The following GDPD4 variants were observed in gnomAD, a reference collection of about 807,000 sequenced individuals.
GDPD4 encodes glycerophosphodiester phosphodiesterase 6.
In GDPD4, 60 loss-of-function variants were observed where a neutral mutation model predicts 67.8. The ratio of observed to expected loss-of-function variants is 0.88; its 90% CI spans 0.72 to 1.10. The LOEUF (loss-of-function observed/expected upper bound fraction) is 1.10. Ranked by LOEUF, GDPD4 falls within the 50% of genes least tolerant of loss-of-function variation. The pLI, the probability that GDPD4 is intolerant of heterozygous loss-of-function variation, is 0.00. For missense variants in GDPD4, 623 were observed against 613.9 expected (o/e 1.01, Z -0.16); for synonymous variants, 212 against 210.9 (o/e 1.00, Z -0.04).
At chr11:77,219,082 T>G (rs1958179436) in intron 16 of GDPD4, among the ~76,000 whole-genome samples, 1 of 152,212 alleles carries the variant, frequency 6.6e-6, no homozygotes, top group Non-Finnish European at 1.5e-5. Flanking sequence ...TGATTGCCAT[T>G]CTAACTGGTG....
At chr11:77,239,825 A>G (rs967616710) in intron 13 of GDPD4, among the ~76,000 whole-genome samples, 1 of 151,948 alleles carries the variant, frequency 6.6e-6, no homozygotes, top group African/African-American at 2.4e-5. Flanking sequence ...AGCAGGGTGC[A>G]GTGGTATGTG....
At chr11:77,247,597 A>T (rs1039442298) in intron 11 of GDPD4, among the ~76,000 whole-genome samples, 2 of 152,222 alleles carry the variant, frequency 1.3e-5, no homozygotes, top group African/African-American at 4.8e-5. Context: ...ACAGGAAGTA[A>T]CAAGCTAGAA....
At chr11:77,254,300 C>T (rs1204455194) in intron 11 of GDPD4, among the ~76,000 whole-genome samples, 1 of 152,124 alleles carries the variant, frequency 6.6e-6, no homozygotes, top group East Asian at 1.9e-4. Flanking sequence ...AGAAGTTCCT[C>T]CTGGTTCCTG....
chr11:77,240,632 C>T (rs774041792), intron 13 of GDPD4, among the ~76,000 whole-genome samples: 4 of 152,014 alleles, frequency 2.6e-5, no homozygotes, highest in Admixed American at 6.6e-5. Flanking sequence ...AATAGACCAA[C>T]GGAACTACAT....
At chr11:77,226,011 T>TTCTC (rs949960532) in intron 16 of GDPD4, among the ~76,000 whole-genome samples, 2 of 152,158 alleles carry the variant, frequency 1.3e-5, no homozygotes, top group African/African-American at 4.8e-5. Context: ...AAAAACTGGT[T>TTCTC]TCTCTAATAG....
At chr11:77,270,223 T>C (rs1959202941) in intron 7 of GDPD4, among the ~76,000 whole-genome samples, 2 of 152,200 alleles carry the variant, frequency 1.3e-5, no homozygotes, top group Non-Finnish European at 2.9e-5. Flanking sequence ...TGAAAGATAC[T>C]TCCATTCTCA....
At chr11:77,271,517 A>G (rs1959226371) in intron 5 of GDPD4, 124 bp from the exon 6 acceptor site, 6 of 635,198 alleles carry the variant, frequency 9.4e-6, no homozygotes, top group East Asian at 2.7e-5. Context: ...TTCTTTTACC[A>G]TAATAATGTA....
intron 1 of GDPD4, among the ~76,000 whole-genome samples, chr11:77,289,625 C>A (rs563945584): frequency 1.2e-4 from 17 of 147,274 alleles, no homozygotes; most frequent in Middle Eastern, 3.7e-3. Flanking sequence ...CAGTTACTTG[C>A]GAGGCTGAGG....
intron 10 of GDPD4, among the ~76,000 whole-genome samples, chr11:77,261,935 G>C (rs1959126977): frequency 6.6e-6 from 1 of 152,208 alleles, no homozygotes; most frequent in East Asian, 1.9e-4. Context: ...AATTGTATTA[G>C]ATTTCCTTTT....
At chr11:77,228,171 G>A (rs1431629089) in intron 15 of GDPD4, among the ~76,000 whole-genome samples, 1 of 151,988 alleles carries the variant, frequency 6.6e-6, no homozygotes, top group Non-Finnish European at 1.5e-5. Flanking sequence ...GGGCCAACAT[G>A]GTGAAACCCC....
intron 4 of GDPD4, among the ~76,000 whole-genome samples, chr11:77,276,441 C>A (rs1334217038): frequency 3.9e-5 from 6 of 152,164 alleles, no homozygotes; most frequent in Non-Finnish European, 8.8e-5. Context: ...CAAATCTCAC[C>A]TCCTATTTAT....
intron 16 of GDPD4, among the ~76,000 whole-genome samples, chr11:77,220,264 A>G (rs940074906): frequency 6.6e-6 from 1 of 152,172 alleles, no homozygotes; most frequent in Non-Finnish European, 1.5e-5. Flanking sequence ...AGTGGTGAGA[A>G]AGGGCATCCC....
At chr11:77,245,161 A>T in intron 12 of GDPD4, 120 bp downstream of exon 12, 1 of 705,088 alleles carries the variant, frequency 1.4e-6, no homozygotes, top group South Asian at 1.8e-5. Context: ...TTTCCATAGG[A>T]AGTAAAATTA....
chr11:77,248,419 T>A (rs2135848464), intron 11 of GDPD4, among the ~76,000 whole-genome samples: 2 of 152,108 alleles, frequency 1.3e-5, no homozygotes, highest in Admixed American at 1.3e-4. Flanking sequence ...GCCAGGCTGA[T>A]CTCGAACTCC....
rs186246355 is a variant in GDPD4, at chr11:77,235,193, T to C, written c.1242-2021A>G. 6.2e-4 allele frequency among the ~76,000 whole-genome samples: 95 copies of C among 152,122 alleles called. 1 individual carries two copies. The highest frequency in any genetic ancestry group is 4.7e-4 in the Non-Finnish European group (32 of 67,982). On this transcript the variant is annotated intron_variant, in intron 13 of 16. Transcript: ENST00000315938. ...TTGAGAAGTGTCTGTTCATATCCTT[T>C]ACCCACTTTCTTAAACAAGTGGAGT...
intron 16 of GDPD4, among the ~76,000 whole-genome samples, chr11:77,218,842 A>G (rs560107988): frequency 5.4e-4 from 14 of 25,908 alleles, no homozygotes; most frequent in Middle Eastern, 0.028. Flanking sequence ...TAGTGCCGCA[A>G]TAAACAATAC....
intron 13 of GDPD4, among the ~76,000 whole-genome samples, chr11:77,242,808 A>G (rs1217022405): frequency 1.3e-5 from 2 of 152,126 alleles, no homozygotes; most frequent in Non-Finnish European, 2.9e-5. Context: ...ACGCTAAAAG[A>G]AAAAAAGACA....
chr11:77,233,033 A>G lies in GDPD4; in HGVS notation c.1381T>C (p.Phe461Leu), dbSNP rs768728022. The G allele has an allele frequency of 6.2e-7, 1 of 1,613,994 alleles. No individual in the cohort carries two copies. Among genetic ancestry groups the G allele is most frequent in the Admixed American group, 1.7e-5 (1 of 60,000 alleles). ...GLLSQLDHPH[F>L]FMTPKFYVFM... ...CTGGACAACCAGCTCACCATGAAGAAGTGAGGGTGATCAAGCTGACTCAGG... is the reference window on the plus strand; with the variant it reads ...CTGGACAACCAGCTCACCATGAAGAGGTGAGGGTGATCAAGCTGACTCAGG... Residue 461 changes from phenylalanine to leucine, a missense_variant, in exon 14 of 17, where the codon TTC (phenylalanine) becomes CTC (leucine). Coordinates refer to ENST00000315938, the MANE Select transcript of GDPD4 (RefSeq NM_182833.3).
chr11:77,221,882 TCACTAAGGA>T (rs1958232643), intron 16 of GDPD4, among the ~76,000 whole-genome samples: 1 of 143,990 alleles, frequency 6.9e-6, no homozygotes, highest in African/African-American at 2.6e-5. Context: ...TCTTTGTAGG[TCACTAAGGA>T]CTTGCTTTAT....
Sources: gnomAD v4.1 joint callset for allele counts (sites outside exome capture counted in the v4.1 genomes callset) on GRCh38, gnomAD v4.1.1 for gene constraint, MANE v1.5 for transcripts, NCBI Gene and HGNC (gene_info 2026-07-23, HGNC 2026-07-21) for gene names.